Variants in C12orf42 observed in about 807,000 individuals in gnomAD.
C12orf42 encodes uncharacterized protein C12orf42.
Under a neutral mutation model 21.6 loss-of-function variants are expected in C12orf42, and 25 were observed. The ratio of observed to expected loss-of-function variants is 1.16; its 90% CI spans 0.84 to 1.62. The LOEUF is 1.62. Ranked by LOEUF, C12orf42 falls within the 40% of genes most tolerant of loss-of-function variation. The pLI is 0.00. For synonymous variants in C12orf42, 174 were observed against 175.0 expected, an observed-to-expected ratio of 0.99 and a Z score of 0.05; for missense variants, 483 against 459.3, an observed-to-expected ratio of 1.05 and a Z score of -0.47.
rs140435320 is a variant in C12orf42 at position 103,364,630 on chromosome 12, A to G, written c.259+4257T>C. ...AGAAGAGAAGATCCAAATAAGCTCA[A>G]TTGGAAAGAAAATGAGAGATATTAC... is the stretch of plus-strand genomic sequence containing the variant. On this transcript the variant is annotated intron_variant, in intron 4 of 5. Transcript: ENST00000548883. Among the ~76,000 whole-genome samples, 444 of 152,188 alleles carry G rather than the reference A, an allele frequency of 2.9e-3. 3 individuals carry two copies. Among genetic ancestry groups the G allele is most frequent in the African/African-American group, 9.7e-3 (405 of 41,566 alleles).
Position 103,304,956 on chromosome 12 carries a change from A to C in C12orf42, c.631+1018T>G, listed in dbSNP as rs114691384. ...GTCAGTTCCAACAAACTGTACAAACATGTGGAGGGAAACCTACCTCAAAAG... is the reference window on the plus strand; with the variant it reads ...GTCAGTTCCAACAAACTGTACAAACCTGTGGAGGGAAACCTACCTCAAAAG... On this transcript the variant is annotated intron_variant, in intron 5 of 5. Coordinates refer to ENST00000548883, the MANE Select transcript of C12orf42 (RefSeq NM_198521.5). 5.8e-3 allele frequency among the ~76,000 whole-genome samples: 888 copies of C among 152,310 alleles called. 11 individuals carry two copies. Among genetic ancestry groups the C allele is most frequent in the African/African-American group, 0.02 (847 of 41,568 alleles).
At chr12:103,331,812 A>G (rs1382427418) in intron 4 of C12orf42, among the ~76,000 whole-genome samples, 2 of 152,216 alleles carry the variant, frequency 1.3e-5, no homozygotes, top group Non-Finnish European at 2.9e-5. Context: ...GGAATTAAAT[A>G]GATAAGGAGG....
At chr12:103,451,882 A>T (rs1177161204) in intron 2 of C12orf42, among the ~76,000 whole-genome samples, 1 of 152,022 alleles carries the variant, frequency 6.6e-6, no homozygotes, top group African/African-American at 2.4e-5. Context: ...TCCAAAACCA[A>T]TATTACATAC....
the C12orf42 span, among the ~76,000 whole-genome samples, chr12:103,124,864 A>C: frequency 3.7e-4 from 56 of 152,346 alleles, no homozygotes; most frequent in Non-Finnish European, 6.5e-4. Context: ...AAGTAACTTC[A>C]GACTGAAGTT....
chr12:103,558,225 T>C, the C12orf42 span: 4 of 152,218 alleles, frequency 2.6e-5, no homozygotes, highest in South Asian at 4.1e-4. Flanking sequence ...TATTATTTCA[T>C]AGCAACTAAG....
At chr12:103,489,308 T>C (rs1461558090) in intron 1 of C12orf42, among the ~76,000 whole-genome samples, 2 of 152,174 alleles carry the variant, frequency 1.3e-5, no homozygotes, top group African/African-American at 2.4e-5. Flanking sequence ...TGCTGCCTGA[T>C]CCTTTCTCTG....
At chr12:103,521,012 A>G in the C12orf42 span, among the ~76,000 whole-genome samples, 1 of 152,228 alleles carries the variant, frequency 6.6e-6, no homozygotes, top group Admixed American at 6.5e-5. Context: ...CCTCCTAGAC[A>G]GTAAACACCT....
chr12:103,371,329 G>A (rs2045213404), intron 3 of C12orf42, among the ~76,000 whole-genome samples: 1 of 152,116 alleles, frequency 6.6e-6, no homozygotes, highest in African/African-American at 2.4e-5. Flanking sequence ...GGATCAAGGA[G>A]GCAGAGACGG....
chr12:103,227,514 G>T, the C12orf42 span, among the ~76,000 whole-genome samples: 1 of 152,076 alleles, frequency 6.6e-6, no homozygotes, highest in Non-Finnish European at 1.5e-5. Flanking sequence ...GGGGGTTCTT[G>T]CCCCATAGAA....
At chr12:103,291,917 A>G (rs1455558440) in intron 4 of C12orf42, among the ~76,000 whole-genome samples, 1 of 152,156 alleles carries the variant, frequency 6.6e-6, no homozygotes, top group Non-Finnish European at 1.5e-5. Flanking sequence ...CTACCACAGC[A>G]CTGCATGCAA....
At chr12:103,241,415 G>C (rs1021965486) in intron 10 of C12orf42, among the ~76,000 whole-genome samples, 1 of 152,086 alleles carries the variant, frequency 6.6e-6, no homozygotes, top group Non-Finnish European at 1.5e-5. Flanking sequence ...AACCACGTCC[G>C]GTGGCTGCAC....
chr12:103,079,818 AGTAT>A, the C12orf42 span, among the ~76,000 whole-genome samples: 1 of 152,202 alleles, frequency 6.6e-6, no homozygotes, highest in Non-Finnish European at 1.5e-5. Flanking sequence ...CCTGGTTCTT[AGTAT>A]TTCTGTCCTG....
intron 2 of C12orf42, among the ~76,000 whole-genome samples, chr12:103,451,382 A>G (rs955144473): frequency 2.0e-5 from 3 of 151,880 alleles, no homozygotes; most frequent in Admixed American, 2.0e-4. Context: ...GTGCCCACCT[A>G]TTTTTTATTT....
the C12orf42 span, among the ~76,000 whole-genome samples, chr12:103,215,429 A>G: frequency 7.3e-6 from 1 of 136,848 alleles, no homozygotes; most frequent in Non-Finnish European, 1.7e-5. Flanking sequence ...CCACTTGAGT[A>G]TCCCTCCTGG....
chr12:103,106,893 G>C, the C12orf42 span, among the ~76,000 whole-genome samples: 2 of 151,882 alleles, frequency 1.3e-5, no homozygotes, highest in African/African-American at 2.4e-5. Context: ...GTTTCTAAGA[G>C]ACATTCCTGA....
chr12:103,074,311 A>T, the C12orf42 span, among the ~76,000 whole-genome samples: 2 of 152,194 alleles, frequency 1.3e-5, no homozygotes, highest in African/African-American at 2.4e-5. Flanking sequence ...ACCATAAAAA[A>T]TACTTAGGTT....
At chr12:103,438,537 C>G (rs1479876023) in intron 2 of C12orf42, among the ~76,000 whole-genome samples, 1 of 152,028 alleles carries the variant, frequency 6.6e-6, no homozygotes, top group Non-Finnish European at 1.5e-5. Context: ...TCTCCTTAAG[C>G]TGATAAGCAA....
intron 2 of C12orf42, among the ~76,000 whole-genome samples, chr12:103,440,840 A>G (rs1190165645): frequency 6.6e-6 from 1 of 152,170 alleles, no homozygotes; most frequent in African/African-American, 2.4e-5. Context: ...TCCTTCACCA[A>G]TCATTTCTCA....
chr12:103,434,836 C>G (rs1370241287), intron 2 of C12orf42, among the ~76,000 whole-genome samples: 1 of 152,208 alleles, frequency 6.6e-6, no homozygotes, highest in Non-Finnish European at 1.5e-5. Context: ...GGGCGACTGC[C>G]GTTGCCCAGG....
Sources: gnomAD v4.1 joint callset for allele counts (sites outside exome capture counted in the v4.1 genomes callset) on GRCh38, gnomAD v4.1.1 for gene constraint, MANE v1.5 for transcripts, NCBI Gene and HGNC (gene_info 2026-07-23, HGNC 2026-07-21) for gene names.